Variants in LRRTM4 observed in about 807,000 individuals in gnomAD.
LRRTM4 encodes the protein leucine rich repeat transmembrane neuronal 4, also known as leucine-rich repeat transmembrane neuronal protein 4.
A neutral mutation model predicts 47.6 loss-of-function variants in LRRTM4; 25 were observed. That is an observed-to-expected ratio of 0.53 (90% CI 0.38 to 0.73). The LOEUF (loss-of-function observed/expected upper bound fraction) is 0.73, where lower values mean the gene tolerates loss of function less well. Ranked by LOEUF, LRRTM4 falls within the 30% of genes least tolerant of loss-of-function variation. LRRTM4 has a pLI of 0.00. For synonymous variants in LRRTM4, 311 were observed against 269.5 expected, an observed-to-expected ratio of 1.15 and a Z score of -1.51; for missense variants, 638 against 713.4, an observed-to-expected ratio of 0.89 and a Z score of 1.20.
chr2:76,786,221 A>G (rs1199115348), intron 3 of LRRTM4, among the ~76,000 whole-genome samples: 2 of 152,144 alleles, frequency 1.3e-5, no homozygotes, highest in Non-Finnish European at 2.9e-5. Context: ...CAAATGAACC[A>G]TGAACGATTA....
chr2:77,384,272 T>C (rs560880495), intron 3 of LRRTM4, among the ~76,000 whole-genome samples: 1 of 151,906 alleles, frequency 6.6e-6, no homozygotes, highest in Non-Finnish European at 1.5e-5. Flanking sequence ...TTTGATAGTT[T>C]AGAATGTGAA....
rs577436565 is a variant in LRRTM4, at chr2:76,974,187, CATATAT to C, written c.1552-225277_1552-225272del. 7.5e-4 allele frequency among the ~76,000 whole-genome samples: 81 copies of C among 107,702 alleles called. 1 individual carries two copies. The highest frequency in any genetic ancestry group is 1.2e-3 in the African/African-American group (35 of 28,868). 70.7% of individuals were successfully genotyped at this position (107,702 alleles called of 152,430 possible). A position where few individuals can be genotyped will look rare whatever the true frequency, so the allele number is the denominator to read the frequency against. On this transcript the variant is annotated intron_variant, in intron 3 of 3. Transcript: ENST00000409884. The stretch of plus-strand genomic sequence containing the variant: ...ATATATACATACATATATATACATA[CATATAT>C]ATACATATATATATATACACATATA...
At chr2:76,836,598 A>T (rs1445413728) in intron 3 of LRRTM4, among the ~76,000 whole-genome samples, 1 of 152,052 alleles carries the variant, frequency 6.6e-6, no homozygotes, top group African/African-American at 2.4e-5. Context: ...TACAACAAAG[A>T]CTGTGCTACA....
intron 3 of LRRTM4, among the ~76,000 whole-genome samples, chr2:76,993,206 C>G (rs1452469010): frequency 6.6e-6 from 1 of 151,868 alleles, no homozygotes; most frequent in African/African-American, 2.4e-5. Context: ...AGGACATCAG[C>G]TTTTGCAAAT....
chr2:77,519,954 G>T lies in LRRTM4; in HGVS notation c.5-90C>A. 6.9e-7 allele frequency: 1 copy of T among 1,454,114 alleles called. No homozygotes were observed. 90.1% of individuals were successfully genotyped at this position (1,454,114 alleles called of 1,614,324 possible). Reference sequence around the variant, plus strand: ...ACCAACAACAGGGGCATTTCCTCTAGTGTAGGAATGGGACAGTTGATTTAA... The same window carrying T: ...ACCAACAACAGGGGCATTTCCTCTATTGTAGGAATGGGACAGTTGATTTAA... On this transcript the variant is annotated intron_variant, in intron 2 of 3. Transcript: ENST00000409884. The surrounding 1 kb of genome is among the most constrained non-coding windows in gnomAD (Gnocchi z 4.6).
intron 3 of LRRTM4, among the ~76,000 whole-genome samples, chr2:77,015,143 A>G (rs908161796): frequency 1.1e-4 from 17 of 152,082 alleles, no homozygotes; most frequent in Non-Finnish European, 2.2e-4. Flanking sequence ...TTCCCTGTGC[A>G]TAGCAGCTTT....
chr2:77,223,571 A>C (rs2103954179), intron 3 of LRRTM4, among the ~76,000 whole-genome samples: 1 of 152,316 alleles, frequency 6.6e-6, no homozygotes, highest in African/African-American at 2.4e-5. Context: ...AATAACAGAC[A>C]AACAGAGAGC....
At chr2:77,168,038 A>C (rs989773996) in intron 3 of LRRTM4, among the ~76,000 whole-genome samples, 3 of 152,062 alleles carry the variant, frequency 2.0e-5, no homozygotes, top group Non-Finnish European at 4.4e-5. Flanking sequence ...TGAATTTAAG[A>C]TAAATTTATA....
intron 3 of LRRTM4, among the ~76,000 whole-genome samples, chr2:76,969,582 C>T (rs1164360885): frequency 6.6e-6 from 1 of 151,792 alleles, no homozygotes; most frequent in Non-Finnish European, 1.5e-5. Context: ...CAATCTAATG[C>T]ATGCTGAACC....
At chr2:76,794,105 A>C (rs1229749330) in intron 3 of LRRTM4, among the ~76,000 whole-genome samples, 1 of 152,200 alleles carries the variant, frequency 6.6e-6, no homozygotes, top group African/African-American at 2.4e-5. Flanking sequence ...CACATCCCAC[A>C]TGGAGCGAAG....
chr2:76,826,501 T>A (rs1471641236), intron 3 of LRRTM4, among the ~76,000 whole-genome samples: 1 of 150,160 alleles, frequency 6.7e-6, no homozygotes, highest in Non-Finnish European at 1.5e-5. Flanking sequence ...AGTAGGAGAA[T>A]CAATTGTCTT....
chr2:77,312,771 C>A (rs1230064638), intron 3 of LRRTM4, among the ~76,000 whole-genome samples: 2 of 151,938 alleles, frequency 1.3e-5, no homozygotes, highest in Non-Finnish European at 2.9e-5. Flanking sequence ...AAAAAAAAAG[C>A]AAATACCCAC....
chr2:77,009,197 A>C (rs980189212), intron 3 of LRRTM4: 2 of 152,162 alleles, frequency 1.3e-5, no homozygotes, highest in African/African-American at 4.8e-5. Context: ...CAACTCATGG[A>C]CCAACACAAA....
At position 76,862,351 on chromosome 2, in the gene LRRTM4, C is replaced by T. The variant is rs372191610; in HGVS notation, c.1552-113435G>A. ...TCACAGCATCATCAGAAAATGCTAT[C>T]TTCAAGACCTAGCAATCACTTTTTA... On this transcript the variant is annotated intron_variant, in intron 3 of 3. Coordinates refer to ENST00000409884, the MANE Select transcript of LRRTM4 (RefSeq NM_001134745.3). Among the ~76,000 whole-genome samples the T allele has an allele frequency of 5.9e-5, 9 of 152,272 alleles. No homozygotes were observed. The East Asian group carries it at 1.4e-3, about 23-fold the overall frequency.
intron 3 of LRRTM4, among the ~76,000 whole-genome samples, chr2:76,803,672 T>A (rs1675818140): frequency 6.6e-6 from 1 of 152,026 alleles, no homozygotes; most frequent in Non-Finnish European, 1.5e-5. Flanking sequence ...AAGAAAAGAG[T>A]TAACATGGCA....
intron 3 of LRRTM4, among the ~76,000 whole-genome samples, chr2:77,084,283 G>A (rs1680635945): frequency 6.6e-6 from 1 of 152,082 alleles, no homozygotes; most frequent in Non-Finnish European, 1.5e-5. Context: ...GGATGTGATG[G>A]CTAGGCTAGT....
At chr2:76,818,891 G>A (rs13417721) in intron 3 of LRRTM4, among the ~76,000 whole-genome samples, 4 of 151,626 alleles carry the variant, frequency 2.6e-5, no homozygotes, top group African/African-American at 9.7e-5. Context: ...TTAAATACTA[G>A]TAAAACCAGT....
intron 3 of LRRTM4, among the ~76,000 whole-genome samples, chr2:77,500,453 A>T (rs1678530031): frequency 6.6e-6 from 1 of 151,814 alleles, no homozygotes; most frequent in African/African-American, 2.4e-5. Flanking sequence ...AAACAAAAAA[A>T]AATCTGTATT....
intron 3 of LRRTM4, among the ~76,000 whole-genome samples, chr2:77,005,028 G>A (rs1334701468): frequency 6.6e-6 from 1 of 152,116 alleles, no homozygotes; most frequent in African/African-American, 2.4e-5. Flanking sequence ...TGATTTTACA[G>A]GCTCCTAGAT....
Sources: allele counts gnomAD v4.1 joint callset (sites outside exome capture counted in the v4.1 genomes callset), GRCh38; gene constraint gnomAD v4.1.1; non-coding constraint Gnocchi (gnomAD v3.1); transcripts MANE v1.5; gene names NCBI Gene and HGNC (gene_info 2026-07-23, HGNC 2026-07-21).